The following CACNG5 variants were observed in gnomAD, a reference collection of about 807,000 sequenced individuals.
CACNG5 encodes the protein voltage-dependent calcium channel gamma-5 subunit.
In CACNG5, 18 loss-of-function variants were observed where a neutral mutation model predicts 24.8. The ratio of observed to expected loss-of-function variants is 0.73; its 90% CI spans 0.50 to 1.08. The LOEUF is 1.08. CACNG5 is among the 50% of genes least tolerant of loss of function. CACNG5 has a pLI of 0.00. For synonymous variants in CACNG5, 157 were observed against 149.1 expected (o/e 1.05, Z -0.39); for missense variants, 349 against 367.9 (o/e 0.95, Z 0.42).
chr17:66,845,471 A>AAC (rs1976626280), intron 1 of CACNG5, among the ~76,000 whole-genome samples: 1 of 151,320 alleles, frequency 6.6e-6, no homozygotes, highest in Admixed American at 6.6e-5. Context: ...TAAAAAAAAA[A>AAC]AACAAAAAAC....
rs1246605871 is a variant in CACNG5 at position 66,886,478 on chromosome 17, T to C, written c.*1238T>C. Among the ~76,000 whole-genome samples the C allele has an allele frequency of 6.6e-6, 1 of 152,188 alleles. No homozygotes were observed. Among genetic ancestry groups the C allele is most frequent in the Non-Finnish European group, 1.5e-5 (1 of 68,026 alleles). ...CCAGGAGGGTTTCAATTACCCTCCG[T>C]AAGTCCACAGAAGCCACTGCAAGCC... On this transcript the variant is annotated 3_prime_UTR_variant, in exon 6 of 6. Transcript: ENST00000533854.
In CACNG5 at chr17:66,892,667, C is replaced by T. The variant is rs1977361131; in HGVS notation, c.*7427C>T. ...TAAATCCACCCACACTCATACACCT[C>T]CCACCCTATTTCAGATACAACAATG... On this transcript the variant is annotated 3_prime_UTR_variant, in exon 6 of 6. Coordinates refer to ENST00000533854, the MANE Select transcript of CACNG5 (RefSeq NM_145811.3). Among the ~76,000 whole-genome samples the T allele has an allele frequency of 6.6e-6, 1 of 152,214 alleles. No homozygotes were observed. Among genetic ancestry groups the T allele is most frequent in the African/African-American group, 2.4e-5 (1 of 41,450 alleles).
At position 66,890,333 on chromosome 17, in the gene CACNG5, G is replaced by A. The variant is rs1279317181; in HGVS notation, c.*5093G>A. Among the ~76,000 whole-genome samples, 1 of 152,190 alleles carries A rather than the reference G, an allele frequency of 6.6e-6. No individual in the cohort carries two copies. On this transcript the variant is annotated 3_prime_UTR_variant, in exon 6 of 6. Transcript: ENST00000533854. ...TGGAGCCAGTCAGAGCCCTCACCAGGGCTGCTTTTGCTCTTTGGGTTCCAG... is the reference window on the plus strand; with the variant it reads ...TGGAGCCAGTCAGAGCCCTCACCAGAGCTGCTTTTGCTCTTTGGGTTCCAG...
At chr17:66,863,298 C>A (rs990800273) in intron 1 of CACNG5, among the ~76,000 whole-genome samples, 7 of 152,008 alleles carry the variant, frequency 4.6e-5, no homozygotes, top group African/African-American at 1.7e-4. Context: ...TTCAAACCCA[C>A]AAGATAATAT....
intron 1 of CACNG5, among the ~76,000 whole-genome samples, chr17:66,843,001 G>T (rs772560544): frequency 2.0e-5 from 3 of 152,330 alleles, no homozygotes; most frequent in Non-Finnish European, 4.4e-5. Context: ...CTGGAAAGAG[G>T]CTGATGTGTT....
intron 1 of CACNG5, among the ~76,000 whole-genome samples, chr17:66,852,026 C>G (rs1976714055): frequency 6.6e-6 from 1 of 152,206 alleles, no homozygotes; most frequent in Non-Finnish European, 1.5e-5. Context: ...AAGATCCACT[C>G]TCAGTGTGGA....
intron 1 of CACNG5, among the ~76,000 whole-genome samples, chr17:66,843,452 A>T (rs538243067): frequency 6.6e-6 from 1 of 152,320 alleles, no homozygotes; most frequent in South Asian, 2.1e-4. Context: ...TTCTGGCAGA[A>T]TGTTTGGGAA....
At position 66,893,135 on chromosome 17, in the gene CACNG5, C is replaced by A. The variant is rs931750018; in HGVS notation, c.*7895C>A. Among the ~76,000 whole-genome samples the A allele has an allele frequency of 6.6e-6, 1 of 152,174 alleles. No individual in the cohort carries two copies. The highest frequency in any genetic ancestry group is 2.4e-5 in the African/African-American group (1 of 41,440). ...TAGGGACTTGCTCATGACCGCACAG[C>A]TGGTAATATTTGCACTGCTCTGCTC... On this transcript the variant is annotated 3_prime_UTR_variant, in exon 6 of 6. Coordinates refer to ENST00000533854, the MANE Select transcript of CACNG5 (RefSeq NM_145811.3).
At chr17:66,859,588 C>T (rs531710455) in intron 1 of CACNG5, among the ~76,000 whole-genome samples, 12 of 152,280 alleles carry the variant, frequency 7.9e-5, no homozygotes, top group Non-Finnish European at 1.5e-4. Flanking sequence ...GTCTTCTGCA[C>T]GGCGCCGAGG....
intron 1 of CACNG5, among the ~76,000 whole-genome samples, chr17:66,846,449 A>C (rs67340381): frequency 6.6e-6 from 1 of 152,092 alleles, no homozygotes; most frequent in Non-Finnish European, 1.5e-5. Flanking sequence ...TTTGCCTTTT[A>C]TGGACACATC....
intron 4 of CACNG5, 140 bp from the exon 5 acceptor site, chr17:66,884,376 C>G (rs1977214331): frequency 1.2e-6 from 1 of 825,494 alleles, no homozygotes; most frequent in Admixed American, 2.6e-5. Flanking sequence ...AGTTTCTGCT[C>G]TCCTTTGAAC....
intron 1 of CACNG5, among the ~76,000 whole-genome samples, chr17:66,848,010 A>C (rs1190583058): frequency 6.6e-6 from 1 of 152,084 alleles, no homozygotes; most frequent in Non-Finnish European, 1.5e-5. Context: ...TCCCAAAAAG[A>C]GTGTTGTTTC....
intron 1 of CACNG5, among the ~76,000 whole-genome samples, chr17:66,872,776 G>A (rs922933351): frequency 6.6e-6 from 1 of 152,102 alleles, no homozygotes; most frequent in African/African-American, 2.4e-5. Context: ...GGGTCAGAGT[G>A]CACCTCCAAG....
intron 1 of CACNG5, among the ~76,000 whole-genome samples, chr17:66,857,872 G>C (rs1268851203): frequency 6.6e-6 from 1 of 152,140 alleles, no homozygotes; most frequent in Non-Finnish European, 1.5e-5. Context: ...ACCCCCAGAA[G>C]GTCACATATA....
chr17:66,867,740 T>A (rs953270235), intron 1 of CACNG5, among the ~76,000 whole-genome samples: 16 of 152,342 alleles, frequency 1.1e-4, no homozygotes, highest in Middle Eastern at 3.4e-3. Context: ...CCTTTCCCCA[T>A]TGCTTGTTTT....
Position 66,889,455 on chromosome 17 carries a change from T to C in CACNG5, c.*4215T>C, listed in dbSNP as rs1053242173. On this transcript the variant is annotated 3_prime_UTR_variant, in exon 6 of 6. Coordinates refer to ENST00000533854, the MANE Select transcript of CACNG5 (RefSeq NM_145811.3). ...TGTAGGGGGCACCCCTCCTTAATGT[T>C]TGAGTAACTCTCCCTTCTCCCTAGA... 6.6e-6 allele frequency among the ~76,000 whole-genome samples: 1 copy of C among 152,182 alleles called. No homozygotes were observed. The highest frequency in any genetic ancestry group is 1.5e-5 in the Non-Finnish European group (1 of 68,026).
chr17:66,886,466 A>T lies in CACNG5; in HGVS notation c.*1226A>T, dbSNP rs1310998489. Among the ~76,000 whole-genome samples, 1 of 152,190 alleles carries T rather than the reference A, an allele frequency of 6.6e-6. No individual in the cohort carries two copies. Among genetic ancestry groups the T allele is most frequent in the East Asian group, 1.9e-4 (1 of 5,200 alleles). ...GGGAAACCGGAGCCAGGAGGGTTTCAATTACCCTCCGTAAGTCCACAGAAG... is the reference window on the plus strand; with the variant it reads ...GGGAAACCGGAGCCAGGAGGGTTTCTATTACCCTCCGTAAGTCCACAGAAG... On this transcript the variant is annotated 3_prime_UTR_variant, in exon 6 of 6. Transcript: ENST00000533854.
At chr17:66,849,336 G>A (rs892086610) in intron 1 of CACNG5, among the ~76,000 whole-genome samples, 1 of 152,074 alleles carries the variant, frequency 6.6e-6, no homozygotes, top group South Asian at 2.1e-4. Flanking sequence ...GCACTGGGAC[G>A]GGAGGGGCAG....
At position 66,887,947 on chromosome 17, in the gene CACNG5, G is replaced by A. The variant is rs1245333362; in HGVS notation, c.*2707G>A. On this transcript the variant is annotated 3_prime_UTR_variant, in exon 6 of 6. Coordinates refer to ENST00000533854, the MANE Select transcript of CACNG5 (RefSeq NM_145811.3). ...CCTAGTTGCAGCCTCTCCTCAATCA[G>A]GAGACTTTTACCAAACGTTAACATG... 1.3e-5 allele frequency among the ~76,000 whole-genome samples: 2 copies of A among 152,044 alleles called. No individual in the cohort carries two copies. Among genetic ancestry groups the A allele is most frequent in the African/African-American group, 4.8e-5 (2 of 41,396 alleles).
Sources: gnomAD v4.1 joint callset for allele counts (sites outside exome capture counted in the v4.1 genomes callset) on GRCh38, gnomAD v4.1.1 for gene constraint, MANE v1.5 for transcripts, NCBI Gene and HGNC (gene_info 2026-07-23, HGNC 2026-07-21) for gene names.